The following C12orf42 variants were observed in gnomAD, a reference collection of about 807,000 sequenced individuals.
C12orf42 encodes chromosome 12 open reading frame 42.
Under a neutral mutation model 21.6 loss-of-function variants are expected in C12orf42, and 25 were observed. The observed-to-expected ratio is 1.16, with a 90% confidence interval of 0.84 to 1.62. The LOEUF (loss-of-function observed/expected upper bound fraction) is 1.62. C12orf42 is among the 40% of genes most tolerant of loss of function. The pLI is 0.00. For synonymous variants in C12orf42, 174 were observed against 175.0 expected (o/e 0.99, Z 0.05); for missense variants, 483 against 459.3 (o/e 1.05, Z -0.47).
Position 103,469,970 on chromosome 12 carries a change from G to C in C12orf42, c.78+8379C>G, listed in dbSNP as rs149514962. ...TTAACATATTTGGGCCATTTAGAAA[G>C]CCATAAAATGAGTCACTGAATACCA... On this transcript the variant is annotated intron_variant, in intron 2 of 5. Transcript: ENST00000548883. 2.0e-4 allele frequency among the ~76,000 whole-genome samples: 30 copies of C among 152,292 alleles called. 1 individual carries two copies. The highest frequency in any genetic ancestry group is 7.0e-4 in the African/African-American group (29 of 41,564).
the C12orf42 span, among the ~76,000 whole-genome samples, chr12:103,078,795 G>A: frequency 1.3e-5 from 2 of 152,188 alleles, no homozygotes; most frequent in Non-Finnish European, 2.9e-5. Context: ...TTGGCAGTGG[G>A]TGTTTTCCAT....
At chr12:103,083,199 T>A in the C12orf42 span, among the ~76,000 whole-genome samples, 1 of 152,098 alleles carries the variant, frequency 6.6e-6, no homozygotes, top group Non-Finnish European at 1.5e-5. Context: ...ACCCCGTCTC[T>A]ACAAAAATAC....
chr12:103,204,432 T>C, the C12orf42 span, among the ~76,000 whole-genome samples: 1 of 152,326 alleles, frequency 6.6e-6, no homozygotes, highest in African/African-American at 2.4e-5. Context: ...TGAAAAGAGA[T>C]TGCAACTTTG....
chr12:103,478,539 A>T, intron 1 of C12orf42, 92 bp from the exon 2 acceptor site: 1 of 559,982 alleles, frequency 1.8e-6, no homozygotes, highest in South Asian at 2.9e-5. Context: ...AGCCAGAATC[A>T]TCCTATCCAT....
intron 10 of C12orf42, among the ~76,000 whole-genome samples, chr12:103,256,156 A>G (rs1464075059): frequency 7.3e-6 from 1 of 137,624 alleles, no homozygotes; most frequent in Non-Finnish European, 1.6e-5. Context: ...GTATATATAC[A>G]CACATATATA....
the C12orf42 span, among the ~76,000 whole-genome samples, chr12:103,068,955 A>ATG: frequency 3.7e-5 from 3 of 81,058 alleles, no homozygotes; most frequent in East Asian, 5.8e-4. Context: ...ATATATATAT[A>ATG]TATATATATA....
intron 1 of C12orf42, 32 bp from the exon 2 acceptor site, chr12:103,478,479 G>A: frequency 1.8e-6 from 2 of 1,112,914 alleles, no homozygotes; most frequent in Non-Finnish European, 2.6e-6. Context: ...AGAAGAGCAG[G>A]TTTACAATGA....
At chr12:103,072,783 T>C in the C12orf42 span, among the ~76,000 whole-genome samples, 1 of 152,210 alleles carries the variant, frequency 6.6e-6, no homozygotes, top group East Asian at 1.9e-4. Context: ...GTTTTTTGAC[T>C]TTTTAATAAT....
chr12:103,457,930 T>A (rs533579043), intron 2 of C12orf42, among the ~76,000 whole-genome samples: 2 of 152,302 alleles, frequency 1.3e-5, no homozygotes, highest in South Asian at 4.1e-4. Context: ...AATATTGAAC[T>A]AATGGTCATC....
intron 4 of C12orf42, among the ~76,000 whole-genome samples, chr12:103,310,476 G>A (rs78812078): frequency 0.014 from 2,175 of 152,282 alleles, 77 homozygotes; most frequent in African/African-American, 0.05. Flanking sequence ...AGTTTTAAAT[G>A]TTGGTAACAT....
chr12:103,517,237 G>A, the C12orf42 span, among the ~76,000 whole-genome samples: 1 of 152,152 alleles, frequency 6.6e-6, no homozygotes, highest in South Asian at 2.1e-4. Context: ...CTGTATACTT[G>A]AGAACTTACT....
At chr12:103,207,030 A>C in the C12orf42 span, among the ~76,000 whole-genome samples, 2 of 152,178 alleles carry the variant, frequency 1.3e-5, no homozygotes, top group Non-Finnish European at 2.9e-5. Context: ...CCCAAGGATG[A>C]AAAGGTAGCT....
At chr12:103,115,333 C>A in the C12orf42 span, among the ~76,000 whole-genome samples, 6 of 152,124 alleles carry the variant, frequency 3.9e-5, no homozygotes, top group African/African-American at 1.4e-4. Flanking sequence ...ATTATGAGAG[C>A]CTTTGCCTTT....
At chr12:103,164,757 G>A in the C12orf42 span, 81 of 454,120 alleles carry the variant, frequency 1.8e-4, no homozygotes, top group Admixed American at 2.4e-5. Flanking sequence ...TAACACTCCA[G>A]ACAAGAGTAG....
At chr12:103,208,026 G>A in the C12orf42 span, among the ~76,000 whole-genome samples, 6 of 152,198 alleles carry the variant, frequency 3.9e-5, no homozygotes, top group Admixed American at 6.5e-5. Flanking sequence ...TGTTTCAGCC[G>A]AATCCAGGCC....
At chr12:103,200,817 T>G in the C12orf42 span, among the ~76,000 whole-genome samples, 1 of 152,200 alleles carries the variant, frequency 6.6e-6, no homozygotes, top group Non-Finnish European at 1.5e-5. Context: ...AGACCAAGAA[T>G]TTTAAATCAT....
intron 4 of C12orf42, among the ~76,000 whole-genome samples, chr12:103,312,287 A>C (rs908873629): frequency 1.3e-5 from 2 of 152,148 alleles, no homozygotes; most frequent in African/African-American, 4.8e-5. Flanking sequence ...GTGCCAGAGG[A>C]TACATGTGAC....
chr12:103,405,032 C>T (rs570774913), intron 2 of C12orf42, among the ~76,000 whole-genome samples: 5 of 152,282 alleles, frequency 3.3e-5, no homozygotes, highest in South Asian at 2.1e-4. Context: ...TTGTCACTGA[C>T]GATTTTGTAA....
the C12orf42 span, among the ~76,000 whole-genome samples, chr12:103,551,817 A>C: frequency 1.5e-3 from 221 of 152,260 alleles, no homozygotes; most frequent in African/African-American, 5.2e-3. Context: ...ACTCTGTCTC[A>C]AACTAATAAC....
Sources: allele counts gnomAD v4.1 joint callset (sites outside exome capture counted in the v4.1 genomes callset), GRCh38; gene constraint gnomAD v4.1.1; transcripts MANE v1.5; gene names NCBI Gene and HGNC (gene_info 2026-07-23, HGNC 2026-07-21).